Variants in SCN9A observed in about 807,000 individuals in gnomAD.
SCN9A encodes sodium channel protein type 9 subunit alpha.
SCN9A carries 131 observed loss-of-function variants against 187.0 expected under a neutral mutation model. The observed-to-expected ratio is 0.70, with a 90% CI of 0.61 to 0.81. The LOEUF is 0.81. Ranked by LOEUF, SCN9A falls within the 30% of genes least tolerant of loss-of-function variation. SCN9A has a pLI of 0.00. For missense variants in SCN9A, 2,252 were observed against 2,396.6 expected (o/e 0.94, Z 1.26); for synonymous variants, 809 against 808.6 (o/e 1.00, Z -0.01).
At position 166,242,637 on chromosome 2, in the gene SCN9A, T is replaced by C. The variant is rs1574790286; in HGVS notation, c.3492A>G (p.Ser1164=). The change falls in exon 19 of 27, where the codon TCA becomes TCG. Residue 1164 remains serine (S), a synonymous_variant. Transcript: ENST00000642356. ...CTGACTCTATGTTAACTTGGCAGCA[T>C]GAGAACCTCCATACACAACCTGACA... ...CFTDGCVWRF[S]CCQVNIESGK... is the part of the protein sequence containing the mutation. 1 of 1,551,402 alleles carries C rather than the reference T, an allele frequency of 6.4e-7. No individual in the cohort carries two copies. Among genetic ancestry groups the C allele is most frequent in the Non-Finnish European group, 8.7e-7 (1 of 1,146,480 alleles).
At position 166,280,366 on chromosome 2, in the gene SCN9A, T is replaced by C. The variant is rs200610859; in HGVS notation, c.2334A>G (p.Ile778Met). 6.4e-7 allele frequency: 1 copy of C among 1,557,656 alleles called. No homozygotes were observed. Residue 778 changes from isoleucine (I) to methionine (M), a missense_variant, in exon 14 of 27, where the codon ATA (isoleucine) becomes ATG (methionine). By Grantham distance (10) the Ile-to-Met change is conservative. Coordinates refer to ENST00000642356, the MANE Select transcript of SCN9A (RefSeq NM_001365536.1). ...MTEEFKNVLA[I>M]GNLVFTGIFA... ...ACAATAAGAGACTTACCAAATTTCC[T>C]ATAGCAAGTACATTTTTGAATTCCT... is the stretch of plus-strand genomic sequence containing the variant.
In SCN9A at chr2:166,196,538, CTTACTACA is replaced by C. The variant is rs1333962248; in HGVS notation, c.*2126_*2133del. The C allele has an allele frequency of 6.6e-6, 1 of 152,054 alleles. No individual in the cohort carries two copies. Among genetic ancestry groups the C allele is most frequent in the Non-Finnish European group, 1.5e-5 (1 of 67,978 alleles). The allele number at this position is 152,054 out of a possible 1,614,324, so 9.4% of individuals were successfully genotyped here. A position where few individuals can be genotyped will look rare whatever the true frequency, so the allele number is the denominator to read the frequency against. The stretch of plus-strand genomic sequence containing the variant: ...CACACGAACCTGTCAAACATCTTGT[CTTACTACA>C]TTATGTAAGTATTCATAATGCAGTT... On this transcript the variant is annotated 3_prime_UTR_variant, in exon 27 of 27. Transcript: ENST00000642356.
chr2:166,317,072 A>T (rs1484528544), intron 1 of SCN9A, among the ~76,000 whole-genome samples: 26 of 151,932 alleles, frequency 1.7e-4, no homozygotes, highest in Admixed American at 1.7e-3. Context: ...ATTAATAATA[A>T]TTTTTAAAAT....
intron 21 of SCN9A, among the ~76,000 whole-genome samples, chr2:166,231,523 G>T (rs1695082211): frequency 1.4e-5 from 2 of 146,922 alleles, no homozygotes; most frequent in South Asian, 2.2e-4. Flanking sequence ...GACTCAGTAG[G>T]TCTGGGGTGA....
At chr2:166,296,299 T>C (rs1205198201) in intron 7 of SCN9A, among the ~76,000 whole-genome samples, 1 of 152,244 alleles carries the variant, frequency 6.6e-6, no homozygotes, top group African/African-American at 2.4e-5. Flanking sequence ...ACAGGAGTTA[T>C]TATAATTAGT....
chr2:166,256,290 A>G (rs1399466709), intron 17 of SCN9A, among the ~76,000 whole-genome samples: 3 of 151,174 alleles, frequency 2.0e-5, no homozygotes, highest in Non-Finnish European at 3.0e-5. Flanking sequence ...GTGTAATCAC[A>G]TTTCTTAACA....
rs1693680543 is a variant in SCN9A at position 166,204,188 on chromosome 2, T to G, written c.4541A>C (p.Asn1514Thr). The change falls in exon 26 of 27, where the codon AAT becomes ACT. Residue 1514 changes from asparagine (N) to threonine (T), a missense_variant. Around this residue, in one of 7 missense-constraint regions of SCN9A, gnomAD observed 368 missense variants for 408.6 expected, o/e 0.90. Transcript: ENST00000642356. ...CATGATACTAATATCAAAGGCTTGA[T>G]TTGTCACTAGGTCAAATATACATCC... The part of the protein sequence containing the change: ...IQGCIFDLVT[N>T]QAFDISIMVL... 6.2e-7 allele frequency: 1 copy of G among 1,612,440 alleles called. No homozygotes were observed. Among genetic ancestry groups the G allele is most frequent in the East Asian group, 2.2e-5 (1 of 44,762 alleles).
intron 1 of SCN9A, among the ~76,000 whole-genome samples, chr2:166,318,268 C>T (rs923791313): frequency 6.6e-6 from 1 of 152,050 alleles, no homozygotes; most frequent in African/African-American, 2.4e-5. Flanking sequence ...CCTGTCAGTA[C>T]ACCATACATG....
Position 166,311,654 on chromosome 2 carries a change from G to T in SCN9A, c.103C>A (p.Pro35Thr), listed in dbSNP as rs762892329. Residue 35 changes from proline (P) to threonine (T), a missense_variant, in exon 2 of 27, where the codon CCC (proline) becomes ACC (threonine). Transcript: ENST00000642356. ...QRIAERKSKE[P>T]KEEKKDDDEE... ...TCATCATCTTTCTTTTCTTCTTTGG[G>T]TTCCTTTGATTTTCTTTCAGCAATG... 6.2e-7 allele frequency: 1 copy of T among 1,613,216 alleles called. No individual in the cohort carries two copies. Among genetic ancestry groups the T allele is most frequent in the South Asian group, 1.1e-5 (1 of 91,040 alleles).
At chr2:166,362,779 T>G (rs1700317274) in intron 1 of SCN9A, among the ~76,000 whole-genome samples, 1 of 151,918 alleles carries the variant, frequency 6.6e-6, no homozygotes, top group Admixed American at 6.5e-5. Flanking sequence ...GAGGCTTGGA[T>G]TCTGAGATAA....
At chr2:166,254,137 C>A (rs1284385238) in intron 17 of SCN9A, among the ~76,000 whole-genome samples, 2 of 151,292 alleles carry the variant, frequency 1.3e-5, no homozygotes, top group Non-Finnish European at 3.0e-5. Context: ...CAATTGAATT[C>A]AGCTTGGCAC....
chr2:166,302,223 CAGG>C (rs1698585319), intron 7 of SCN9A: 7 of 143,654 alleles, frequency 4.9e-5, no homozygotes, highest in African/African-American at 2.1e-4. Context: ...AGATACATTC[CAGG>C]TGTCAGACAG....
At chr2:166,308,087 C>G (rs1232692045) in intron 2 of SCN9A, among the ~76,000 whole-genome samples, 1 of 152,146 alleles carries the variant, frequency 6.6e-6, no homozygotes, top group Non-Finnish European at 1.5e-5. Flanking sequence ...TTCAGGTGTC[C>G]TTTTATTTTC....
chr2:166,281,619 G>T, intron 13 of SCN9A, 60 bp downstream of exon 13: 1 of 1,512,710 alleles, frequency 6.6e-7, no homozygotes, highest in South Asian at 1.2e-5. Context: ...ATTTAAGGTT[G>T]ACCAGATTTA....
intron 1 of SCN9A, among the ~76,000 whole-genome samples, chr2:166,353,987 C>T (rs1700097229): frequency 6.6e-6 from 1 of 152,182 alleles, no homozygotes; most frequent in South Asian, 2.1e-4. Flanking sequence ...AAGAAGCACG[C>T]TATCTAATTA....
chr2:166,352,167 A>G (rs1293195463), intron 1 of SCN9A, among the ~76,000 whole-genome samples: 2 of 152,196 alleles, frequency 1.3e-5, no homozygotes, highest in Non-Finnish European at 2.9e-5. Flanking sequence ...TGTGAATGAC[A>G]GTAAGATTTA....
chr2:166,222,225 T>C (rs1694618380), intron 24 of SCN9A, among the ~76,000 whole-genome samples: 1 of 152,204 alleles, frequency 6.6e-6, no homozygotes, highest in Non-Finnish European at 1.5e-5. Context: ...TAATAAATGG[T>C]TAATATCCAA....
intron 9 of SCN9A, among the ~76,000 whole-genome samples, chr2:166,291,616 C>G (rs920180532): frequency 2.0e-5 from 3 of 152,122 alleles, no homozygotes; most frequent in Non-Finnish European, 4.4e-5. Context: ...ATAGCAAAGA[C>G]AATTCTAAGC....
chr2:166,259,299 A>C (rs1226431129), intron 17 of SCN9A: 1 of 151,688 alleles, frequency 6.6e-6, no homozygotes, highest in African/African-American at 2.4e-5. Flanking sequence ...TGTGAGAAGA[A>C]GGTTAGGTAC....
Sources: gnomAD v4.1 joint callset for allele counts (sites outside exome capture counted in the v4.1 genomes callset) on GRCh38, gnomAD v4.1.1 for gene constraint, gnomAD v4.1.1 regional missense constraint, MANE v1.5 for transcripts, NCBI Gene and HGNC (gene_info 2026-07-23, HGNC 2026-07-21) for gene names.